CNTN3: variants seen among roughly 807,000 people sequenced by gnomAD.
CNTN3 encodes contactin-3.
CNTN3 carries 60 observed loss-of-function variants against 119.1 expected under a neutral mutation model. That is an observed-to-expected ratio of 0.50 (90% CI 0.41 to 0.62). CNTN3 has a LOEUF of 0.62. CNTN3 is among the 20% of genes least tolerant of loss of function. The pLI, the probability that CNTN3 is intolerant of heterozygous loss-of-function variation, is 0.00. For synonymous variants in CNTN3, 450 were observed against 438.7 expected, an observed-to-expected ratio of 1.03 and a Z score of -0.32; for missense variants, 1,101 against 1,242.4, an observed-to-expected ratio of 0.89 and a Z score of 1.71.
chr3:74,286,700 A>G (rs1702121406), intron 19 of CNTN3, among the ~76,000 whole-genome samples: 1 of 152,230 alleles, frequency 6.6e-6, no homozygotes, highest in South Asian at 2.1e-4. Context: ...CAATTTTCCT[A>G]TTGCAAATTC....
intron 13 of CNTN3, among the ~76,000 whole-genome samples, chr3:74,312,375 G>A (rs2052169915): frequency 7.0e-6 from 1 of 143,212 alleles, no homozygotes; most frequent in African/African-American, 2.6e-5. Context: ...AGAATGGCAT[G>A]AACCCGGGAG....
chr3:74,312,455 C>CAAAAAAAAAA (rs745514119), intron 13 of CNTN3, among the ~76,000 whole-genome samples: 1 of 27,804 alleles, frequency 3.6e-5, no homozygotes, highest in African/African-American at 1.3e-4. Flanking sequence ...GACTCCATCT[C>CAAAAAAAAAA]AAAAAAAAAA....
intron 1 of CNTN3, among the ~76,000 whole-genome samples, chr3:74,557,884 G>A (rs2068738): frequency 0.85 from 128,947 of 151,852 alleles, 55,817 homozygotes; most frequent in East Asian, 0.93. Context: ...TCCAGGTAGA[G>A]AAACCAACAA....
chr3:74,563,301 A>G (rs918223835), intron 1 of CNTN3, among the ~76,000 whole-genome samples: 1 of 152,160 alleles, frequency 6.6e-6, no homozygotes, highest in Non-Finnish European at 1.5e-5. Flanking sequence ...AGCTCTTCGC[A>G]TTGTGGAAGC....
intron 5 of CNTN3, among the ~76,000 whole-genome samples, chr3:74,372,075 T>C (rs1235703068): frequency 1.3e-5 from 2 of 152,174 alleles, no homozygotes; most frequent in East Asian, 3.9e-4. Flanking sequence ...TCTGGGTTGA[T>C]GCTCCTATAC....
intron 4 of CNTN3, among the ~76,000 whole-genome samples, chr3:74,441,834 ATAAAT>A (rs1442219331): frequency 6.6e-6 from 1 of 152,184 alleles, no homozygotes; most frequent in Non-Finnish European, 1.5e-5. Context: ...TGCCTATAAA[ATAAAT>A]TATCTTTTGC....
At chr3:74,522,276 T>G (rs1703554372) in intron 1 of CNTN3, among the ~76,000 whole-genome samples, 1 of 151,918 alleles carries the variant, frequency 6.6e-6, no homozygotes, top group South Asian at 2.1e-4. Flanking sequence ...GGGTAGGTTG[T>G]AAGAGATGGA....
intron 2 of CNTN3, among the ~76,000 whole-genome samples, chr3:74,509,709 G>A (rs997871430): frequency 5.3e-5 from 8 of 152,070 alleles, no homozygotes; most frequent in African/African-American, 1.7e-4. Context: ...TGGTACCACC[G>A]TTTTGGAAGA....
At chr3:74,313,216 A>G (rs1356652817) in intron 13 of CNTN3, among the ~76,000 whole-genome samples, 1 of 152,158 alleles carries the variant, frequency 6.6e-6, no homozygotes, top group Non-Finnish European at 1.5e-5. Context: ...CATAAGGGAA[A>G]TATCAGAAAG....
At chr3:74,507,711 A>G (rs1308497290) in intron 2 of CNTN3, among the ~76,000 whole-genome samples, 6 of 148,198 alleles carry the variant, frequency 4.0e-5, no homozygotes, top group Middle Eastern at 3.4e-3. Flanking sequence ...GACTCACTGC[A>G]ACCTCTGCCT....
chr3:74,383,711 C>A (rs1321239437), intron 5 of CNTN3, among the ~76,000 whole-genome samples: 3 of 152,176 alleles, frequency 2.0e-5, no homozygotes, highest in African/African-American at 7.2e-5. Context: ...TCTCAAACTC[C>A]TTAGCACAAG....
chr3:74,467,695 A>G (rs1051937749), intron 4 of CNTN3, among the ~76,000 whole-genome samples: 1 of 152,118 alleles, frequency 6.6e-6, no homozygotes, highest in African/African-American at 2.4e-5. Context: ...TTTTAACTTT[A>G]TATATACCAC....
intron 11 of CNTN3, among the ~76,000 whole-genome samples, chr3:74,355,304 A>G (rs1703910434): frequency 6.6e-6 from 1 of 151,334 alleles, no homozygotes; most frequent in African/African-American, 2.4e-5. Context: ...ATTTTCTCAA[A>G]CTCCTCAAGG....
At chr3:74,476,902 T>G (rs1043112455) in intron 4 of CNTN3, among the ~76,000 whole-genome samples, 1 of 151,548 alleles carries the variant, frequency 6.6e-6, no homozygotes, top group Admixed American at 6.6e-5. Context: ...AGATACAGAA[T>G]GGAAAATATG....
At chr3:74,514,143 C>T (rs948696598) in intron 2 of CNTN3, among the ~76,000 whole-genome samples, 18 of 152,134 alleles carry the variant, frequency 1.2e-4, no homozygotes, top group African/African-American at 3.1e-4. Flanking sequence ...CCTTAACCGT[C>T]TAACATGAAA....
At chr3:74,588,119 C>T (rs13315861) in intron 1 of CNTN3, among the ~76,000 whole-genome samples, 19,738 of 152,034 alleles carry the variant, frequency 0.13, 2,689 homozygotes, top group African/African-American at 0.34. Flanking sequence ...TATATTGCAT[C>T]CCAAGGATGA....
At chr3:74,525,716 GC>G (rs757747016) in intron 1 of CNTN3, among the ~76,000 whole-genome samples, 89 of 151,818 alleles carry the variant, frequency 5.9e-4, no homozygotes, top group South Asian at 1.2e-3. Context: ...TCTTTAAATA[GC>G]CCCCAAATTT....
intron 1 of CNTN3, among the ~76,000 whole-genome samples, chr3:74,565,265 A>G (rs1704209670): frequency 6.6e-6 from 1 of 152,174 alleles, no homozygotes; most frequent in Admixed American, 6.5e-5. Flanking sequence ...TGTAGGCTCT[A>G]AGGGAAAATC....
intron 13 of CNTN3, among the ~76,000 whole-genome samples, chr3:74,303,687 G>A (rs1376273067): frequency 1.3e-5 from 2 of 152,166 alleles, no homozygotes; most frequent in African/African-American, 2.4e-5. Context: ...TGACAGGCAA[G>A]ACTCTGTCTC....
Sources: gnomAD v4.1 joint callset for allele counts (sites outside exome capture counted in the v4.1 genomes callset) on GRCh38, gnomAD v4.1.1 for gene constraint, MANE v1.5 for transcripts, NCBI Gene and HGNC (gene_info 2026-07-23, HGNC 2026-07-21) for gene names.